The following SLC23A2 variants were observed in gnomAD, a reference collection of about 807,000 sequenced individuals.
SLC23A2 encodes solute carrier family 23 member 2.
Under a neutral mutation model 73.3 loss-of-function variants are expected in SLC23A2, and 36 were observed. That is an observed-to-expected ratio of 0.49 (90% CI 0.38 to 0.65). The LOEUF is 0.65. Among genes scored for constraint, SLC23A2 ranks in the 30% least tolerant of loss-of-function variants. The probability of loss-of-function intolerance (pLI) is 0.00; values close to 1 mark genes in which losing one functional copy is unlikely to be tolerated. For synonymous variants in SLC23A2, 343 were observed against 327.3 expected (o/e 1.05, Z -0.52); for missense variants, 507 against 841.6 (o/e 0.60, Z 4.92).
chr20:4,892,404 C>A lies in SLC23A2; in HGVS notation c.483-6495G>T, dbSNP rs1470409362. Among the ~76,000 whole-genome samples the A allele has an allele frequency of 2.6e-5, 4 of 152,068 alleles. No homozygotes were observed. The East Asian group carries it at 7.7e-4, about 29-fold the overall frequency. ...GTTTCACCATGTTGGCCAAGCTGAT[C>A]TCCAACTCCTGACCTCAGGTGATCC... On this transcript the variant is annotated intron_variant, in intron 6 of 16. Coordinates refer to ENST00000338244, the MANE Select transcript of SLC23A2 (RefSeq NM_005116.6).
chr20:4,944,975 G>A (rs1483249440), intron 2 of SLC23A2, among the ~76,000 whole-genome samples: 3 of 144,686 alleles, frequency 2.1e-5, no homozygotes, highest in Non-Finnish European at 4.5e-5. Context: ...GTGAGGGCTA[G>A]TTTTGAATGA....
At chr20:5,000,897 A>T (rs780218919) in intron 1 of SLC23A2, among the ~76,000 whole-genome samples, 12 of 152,148 alleles carry the variant, frequency 7.9e-5, no homozygotes, top group Non-Finnish European at 1.2e-4. Flanking sequence ...AAGGGAAGAA[A>T]GCAAGAATGT....
intron 2 of SLC23A2, among the ~76,000 whole-genome samples, chr20:4,965,181 TAG>T (rs912552625): frequency 2.9e-4 from 44 of 152,282 alleles, no homozygotes; most frequent in African/African-American, 9.9e-4. Flanking sequence ...CTGGGAGGGC[TAG>T]AGTTTCCTGG....
At chr20:4,953,638 T>C (rs554422056) in intron 2 of SLC23A2, among the ~76,000 whole-genome samples, 46 of 152,124 alleles carry the variant, frequency 3.0e-4, no homozygotes, top group Admixed American at 3.9e-4. Flanking sequence ...TCTGTAATCT[T>C]AGCACTTTGG....
intron 2 of SLC23A2, among the ~76,000 whole-genome samples, chr20:4,965,203 G>A (rs1445198935): frequency 6.6e-6 from 1 of 152,150 alleles, no homozygotes; most frequent in Non-Finnish European, 1.5e-5. Context: ...GTAACCAGGA[G>A]CCTAAATTTA....
intron 6 of SLC23A2, 147 bp from the exon 7 acceptor site, chr20:4,886,056 A>G: frequency 1.7e-6 from 1 of 572,764 alleles, no homozygotes; most frequent in Non-Finnish European, 3.1e-6. Flanking sequence ...CAGTTTGCAA[A>G]GGTTTCCTGT....
At chr20:4,957,022 G>A (rs866512205) in intron 2 of SLC23A2, among the ~76,000 whole-genome samples, 14 of 151,870 alleles carry the variant, frequency 9.2e-5, no homozygotes, top group Non-Finnish European at 1.0e-4. Flanking sequence ...AATCAGGCTG[G>A]TCTCGAACTC....
chr20:4,919,744 C>T (rs906043342), intron 3 of SLC23A2, among the ~76,000 whole-genome samples: 1 of 152,200 alleles, frequency 6.6e-6, no homozygotes, highest in African/African-American at 2.4e-5. Context: ...CCACGCAGCA[C>T]ATTACAGCAC....
rs1442512411 is a variant in SLC23A2, at chr20:4,857,422, A to G, written c.1721-218T>C. On this transcript the variant is annotated intron_variant, in intron 16 of 16. Coordinates refer to ENST00000338244, the MANE Select transcript of SLC23A2 (RefSeq NM_005116.6). The surrounding 1 kb of genome is among the most constrained non-coding windows in gnomAD (Gnocchi z 4.0). ...CTCAGCTATCCAGTGCCCAAACCAGAAGTCTAAGAAGCACTAACCCCTCCA... is the reference window on the plus strand; with the variant it reads ...CTCAGCTATCCAGTGCCCAAACCAGGAGTCTAAGAAGCACTAACCCCTCCA... 6.6e-6 allele frequency among the ~76,000 whole-genome samples: 1 copy of G among 152,038 alleles called. No individual in the cohort carries two copies. Among genetic ancestry groups the G allele is most frequent in the Non-Finnish European group, 1.5e-5 (1 of 68,010 alleles).
chr20:4,861,006 C>T (rs1194200893), intron 15 of SLC23A2, among the ~76,000 whole-genome samples: 1 of 152,136 alleles, frequency 6.6e-6, no homozygotes, highest in Non-Finnish European at 1.5e-5. Flanking sequence ...ATGCCCAGGC[C>T]TGCACTCCAG....
chr20:4,852,567 C>T lies in SLC23A2; in HGVS notation c.*4405G>A, dbSNP rs752273120. The T allele has an allele frequency of 2.0e-5, 3 of 152,454 alleles. No individual in the cohort carries two copies. The highest frequency in any genetic ancestry group is 4.4e-5 in the Non-Finnish European group (3 of 68,006). The allele number at this position is 152,454 out of a possible 1,614,324, so 9.4% of individuals were successfully genotyped here. A position where few individuals can be genotyped will look rare whatever the true frequency, so the allele number is the denominator to read the frequency against. Reference sequence around the variant, plus strand: ...TTACACATCTCAAAAAACAACCCCACCCCAAATACCCTCGGTAATCAAAAT... The same window carrying T: ...TTACACATCTCAAAAAACAACCCCATCCCAAATACCCTCGGTAATCAAAAT... On this transcript the variant is annotated 3_prime_UTR_variant, in exon 17 of 17. Transcript: ENST00000338244. This position sits in a 1 kb window ranked among gnomAD's most constrained non-coding sequence, Gnocchi z 4.3.
At chr20:4,935,184 C>CT (rs1284352764) in intron 2 of SLC23A2, among the ~76,000 whole-genome samples, 2 of 89,902 alleles carry the variant, frequency 2.2e-5, no homozygotes, top group Non-Finnish European at 4.4e-5. Context: ...GAGACTCCGT[C>CT]TCAAAAAAAA....
intron 4 of SLC23A2, among the ~76,000 whole-genome samples, chr20:4,903,541 C>T (rs1931828266): frequency 6.6e-6 from 1 of 152,188 alleles, no homozygotes; most frequent in South Asian, 2.1e-4. Flanking sequence ...GAGATATCCA[C>T]ATGGAAAAAT....
chr20:5,000,759 C>T (rs913418014), intron 1 of SLC23A2, among the ~76,000 whole-genome samples: 11 of 152,218 alleles, frequency 7.2e-5, no homozygotes, highest in Non-Finnish European at 1.5e-4. Flanking sequence ...AGTAGTCACA[C>T]TCGAAATGTC....
At chr20:5,009,170 C>T (rs1300393874) in intron 1 of SLC23A2, among the ~76,000 whole-genome samples, 1 of 152,154 alleles carries the variant, frequency 6.6e-6, no homozygotes, top group Non-Finnish European at 1.5e-5. Context: ...GACTTTGTGA[C>T]TGCATTTCCT....
rs1261920909 is a variant in SLC23A2, at chr20:4,863,573, G to A, written c.1357-666C>T. Among the ~76,000 whole-genome samples, 5 of 152,188 alleles carry A rather than the reference G, an allele frequency of 3.3e-5. No individual in the cohort carries two copies. The highest frequency in any genetic ancestry group is 4.8e-5 in the African/African-American group (2 of 41,442). ...GCACGCACTGAGCCATCTGAGAGCC[G>A]CCCACATGGGCCTGCTGCCACTGGC... On this transcript the variant is annotated intron_variant, in intron 13 of 16. Transcript: ENST00000338244. The surrounding 1 kb of genome is among the most constrained non-coding windows in gnomAD (Gnocchi z 4.8).
chr20:4,866,232 A>C (rs898714562), intron 13 of SLC23A2, among the ~76,000 whole-genome samples: 2 of 152,234 alleles, frequency 1.3e-5, no homozygotes, highest in Non-Finnish European at 1.5e-5. Flanking sequence ...TTGTTCAGAG[A>C]ATAATGACAA....
intron 9 of SLC23A2, among the ~76,000 whole-genome samples, chr20:4,876,672 A>G (rs1349982092): frequency 6.6e-6 from 1 of 152,252 alleles, no homozygotes; most frequent in African/African-American, 2.4e-5. Flanking sequence ...CGCAAGTAAT[A>G]CATACTAAAT....
chr20:4,918,380 G>A (rs1359682384), intron 3 of SLC23A2, among the ~76,000 whole-genome samples: 2 of 152,124 alleles, frequency 1.3e-5, no homozygotes, highest in African/African-American at 4.8e-5. Context: ...ATGAAAGGAG[G>A]TTTTCTCTGC....
Sources: allele counts gnomAD v4.1 joint callset (sites outside exome capture counted in the v4.1 genomes callset), GRCh38; gene constraint gnomAD v4.1.1; non-coding constraint Gnocchi (gnomAD v3.1); transcripts MANE v1.5; gene names NCBI Gene and HGNC (gene_info 2026-07-23, HGNC 2026-07-21).